NISCH: variants seen among roughly 807,000 people sequenced by gnomAD.
NISCH encodes nischarin.
Under a neutral mutation model 138.4 loss-of-function variants are expected in NISCH, and 55 were observed. The ratio of observed to expected loss-of-function variants is 0.40; its 90% confidence interval spans 0.32 to 0.50. The LOEUF (loss-of-function observed/expected upper bound fraction) is 0.50, where lower values mean the gene tolerates loss of function less well. NISCH is among the 20% of genes least tolerant of loss of function. NISCH has a pLI of 0.71. For missense variants in NISCH, 1,643 were observed against 2,005.5 expected, an observed-to-expected ratio of 0.82 and a Z score of 3.45; for synonymous variants, 860 against 861.5, an observed-to-expected ratio of 1.00 and a Z score of 0.03.
chr3:52,480,373 A>G, intron 13 of NISCH, 78 bp downstream of exon 13: 8 of 1,583,324 alleles, frequency 5.1e-6, no homozygotes, highest in Non-Finnish European at 6.9e-6. Flanking sequence ...GGGTTGGGGG[A>G]GAGGTGCCAG....
chr3:52,471,758 G>A lies in NISCH; in HGVS notation c.410-56G>A, dbSNP rs989736751. The A allele has an allele frequency of 3.8e-6, 6 of 1,598,068 alleles. No individual in the cohort carries two copies. In the South Asian group the frequency reaches 5.5e-5, roughly 15 times the overall value. ...GACAGAAAAGGTGGAAATCCTGGCTGCACGAGGGCTGGGGCTGCGGCTGGA... is the reference window on the plus strand; with the variant it reads ...GACAGAAAAGGTGGAAATCCTGGCTACACGAGGGCTGGGGCTGCGGCTGGA... On this transcript the variant is annotated intron_variant, in intron 4 of 20. Coordinates refer to ENST00000345716, the MANE Select transcript of NISCH (RefSeq NM_007184.4).
intron 17 of NISCH, 45 bp downstream of exon 17, chr3:52,489,723 G>A (rs1236510817): frequency 1.3e-6 from 2 of 1,581,826 alleles, no homozygotes; most frequent in South Asian, 1.2e-5. Flanking sequence ...GGCCAGTCCT[G>A]AGGGCGAGGC....
intron 7 of NISCH, among the ~76,000 whole-genome samples, chr3:52,475,400 C>T (rs1707072794): frequency 6.6e-6 from 1 of 152,180 alleles, no homozygotes. Context: ...TGTGCTACTC[C>T]CCTTATCTTA....
At chr3:52,485,670 T>C in intron 14 of NISCH, 108 bp from the exon 15 acceptor site, 1 of 1,258,842 alleles carries the variant, frequency 7.9e-7, no homozygotes, top group Non-Finnish European at 1.1e-6. Flanking sequence ...GGGAGCCTCC[T>C]CAGGGCGGTG....
Position 52,470,915 on chromosome 3 carries a change from G to T in NISCH, c.409+8G>T. On this transcript the variant is annotated splice_region_variant and intron_variant, in intron 4 of 20. Transcript: ENST00000345716. ...AAGAGCTCTTTGAGAAAGGTATGTG[G>T]CCACATGTCCCTGAAATACTGAGCA... 1 of 1,613,848 alleles carries T rather than the reference G, an allele frequency of 6.2e-7. No homozygotes were observed. Among genetic ancestry groups the T allele is most frequent in the Non-Finnish European group, 8.5e-7 (1 of 1,179,806 alleles).
At position 52,472,046 on chromosome 3, in the gene NISCH, C is replaced by T. The variant is rs73837574; in HGVS notation, c.573+69C>T. On this transcript the variant is annotated intron_variant, in intron 5 of 20. Coordinates refer to ENST00000345716, the MANE Select transcript of NISCH (RefSeq NM_007184.4). ...GGGGGTGCAACCTGCGGGGGACTGG[C>T]TGGCAGTTTGTGTGAAGGAGACCAT... 3,508 of 1,485,166 alleles carry T rather than the reference C, an allele frequency of 2.4e-3. 85 individuals carry two copies. The African/African-American group carries it at 0.045, about 19-fold the overall frequency. 92.0% of individuals were successfully genotyped at this position (1,485,166 alleles called of 1,614,324 possible).
At position 52,478,430 on chromosome 3, in the gene NISCH, T is replaced by C; in HGVS notation, c.1174-19T>C. On this transcript the variant is annotated intron_variant, in intron 10 of 20. Coordinates refer to ENST00000345716, the MANE Select transcript of NISCH (RefSeq NM_007184.4). ...TGTTAAGAGAAGGGACCAAAGGGGATGGAACTCATACCTTGCAGATGGAGG... is the reference window on the plus strand; with the variant it reads ...TGTTAAGAGAAGGGACCAAAGGGGACGGAACTCATACCTTGCAGATGGAGG... 1 of 1,614,200 alleles carries C rather than the reference T, an allele frequency of 6.2e-7. No homozygotes were observed. Among genetic ancestry groups the C allele is most frequent in the East Asian group, 2.2e-5 (1 of 44,886 alleles).
chr3:52,485,506 C>T (rs1168516187), intron 14 of NISCH, among the ~76,000 whole-genome samples: 1 of 152,174 alleles, frequency 6.6e-6, no homozygotes, highest in Non-Finnish European at 1.5e-5. Context: ...GATGCTGGAT[C>T]CCTGGAGAGT....
intron 13 of NISCH, 51 bp from the exon 14 acceptor site, chr3:52,484,462 T>TTGGGGC: frequency 1.9e-4 from 147 of 788,646 alleles, no homozygotes; most frequent in Non-Finnish European, 2.4e-4. Flanking sequence ...ACAGCCGCTC[T>TTGGGGC]CCCCGCCCCA....
intron 18 of NISCH, among the ~76,000 whole-genome samples, 173 bp from the exon 19 acceptor site, chr3:52,490,532 T>C (rs1056648864): frequency 1.3e-5 from 2 of 152,188 alleles, no homozygotes; most frequent in Non-Finnish European, 2.9e-5. Flanking sequence ...AGCGACCTGG[T>C]GACTCCCCTG....
At chr3:52,466,563 C>CA (rs56199620) in intron 3 of NISCH, among the ~76,000 whole-genome samples, 37 of 122,606 alleles carry the variant, frequency 3.0e-4, no homozygotes, top group African/African-American at 7.2e-4. Context: ...GACTCCATCT[C>CA]AAAAAAAAAA....
At position 52,491,343 on chromosome 3, in the gene NISCH, C is replaced by G; in HGVS notation, c.3743-9C>G. ...GGCCTGTGGCCCTGACCAGCCCCTTCTCGTGCAGGTTCCACCCCGATGCAG... is the reference window on the plus strand; with the variant it reads ...GGCCTGTGGCCCTGACCAGCCCCTTGTCGTGCAGGTTCCACCCCGATGCAG... On this transcript the variant is annotated splice_polypyrimidine_tract_variant and intron_variant, in intron 19 of 20. Coordinates refer to ENST00000345716, the MANE Select transcript of NISCH (RefSeq NM_007184.4). The G allele has an allele frequency of 6.2e-7, 1 of 1,608,098 alleles. No individual in the cohort carries two copies. Among genetic ancestry groups the G allele is most frequent in the Non-Finnish European group, 8.5e-7 (1 of 1,177,256 alleles).
chr3:52,472,998 G>A (rs1231077276), intron 6 of NISCH, among the ~76,000 whole-genome samples: 5 of 152,208 alleles, frequency 3.3e-5, no homozygotes, highest in Non-Finnish European at 7.3e-5. Flanking sequence ...CAACAGCCCC[G>A]TGAAGAGGGC....
At chr3:52,490,623 G>C (rs1707536739) in intron 18 of NISCH, 82 bp from the exon 19 acceptor site, 1 of 1,591,608 alleles carries the variant, frequency 6.3e-7, no homozygotes, top group Non-Finnish European at 8.6e-7. Context: ...AAGAGGACCT[G>C]TTCCTGCTGG....
rs182682660 is a variant in NISCH at position 52,464,124 on chromosome 3, C to T, written c.360+5280C>T. Among the ~76,000 whole-genome samples the T allele has an allele frequency of 6.4e-4, 97 of 151,694 alleles. No homozygotes were observed. The East Asian group carries it at 9.6e-3, about 15-fold the overall frequency. On this transcript the variant is annotated intron_variant, in intron 3 of 20. Transcript: ENST00000345716. ...TTTAAAAATCAGATTGGGCCGGGCGCGGGTGGCTCATGCCTGTAATCCCAG... is the reference window on the plus strand; with the variant it reads ...TTTAAAAATCAGATTGGGCCGGGCGTGGGTGGCTCATGCCTGTAATCCCAG...
intron 10 of NISCH, 75 bp from the exon 11 acceptor site, chr3:52,478,374 G>A: frequency 6.2e-7 from 1 of 1,607,922 alleles, no homozygotes; most frequent in Non-Finnish European, 8.5e-7. Flanking sequence ...ATTTAAAAGA[G>A]ACCATGAAAC....
In NISCH at chr3:52,484,502, G is replaced by A. The variant is rs762235818; in HGVS notation, c.1529-11G>A. On this transcript the variant is annotated splice_polypyrimidine_tract_variant and intron_variant, in intron 13 of 20. Coordinates refer to ENST00000345716, the MANE Select transcript of NISCH (RefSeq NM_007184.4). ...CCCTGCCTGCCTGCCCACCCGCCCT[G>A]GTCTCTCCAGGAATCATGTTCGTTC... is the stretch of plus-strand genomic sequence containing the variant. The A allele has an allele frequency of 1.1e-5, 8 of 729,460 alleles. No individual in the cohort carries two copies. In the Admixed American group the frequency reaches 2.2e-4, roughly 20 times the overall value. 45.2% of individuals were successfully genotyped at this position (729,460 alleles called of 1,614,324 possible).
At chr3:52,471,002 C>G in intron 4 of NISCH, 95 bp downstream of exon 4, 7 of 1,267,164 alleles carry the variant, frequency 5.5e-6, no homozygotes, top group Non-Finnish European at 6.9e-6. Context: ...CACTCTGGAG[C>G]CCACCTACCT....
At chr3:52,463,848 C>T (rs772496239) in intron 3 of NISCH, among the ~76,000 whole-genome samples, 5 of 150,774 alleles carry the variant, frequency 3.3e-5, no homozygotes, top group African/African-American at 7.3e-5. Context: ...CTCAGCCTCC[C>T]GAGTAGCTGG....
Sources: gnomAD v4.1 joint callset for allele counts (sites outside exome capture counted in the v4.1 genomes callset) on GRCh38, gnomAD v4.1.1 for gene constraint, MANE v1.5 for transcripts, NCBI Gene and HGNC (gene_info 2026-07-23, HGNC 2026-07-21) for gene names.